The following MSI2 variants were observed in gnomAD, a reference collection of about 807,000 sequenced individuals.
The protein encoded by MSI2 is RNA-binding protein Musashi homolog 2.
MSI2 carries 17 observed loss-of-function variants against 45.6 expected under a neutral mutation model. The ratio of observed to expected loss-of-function variants is 0.37; its 90% CI spans 0.26 to 0.56. The LOEUF (loss-of-function observed/expected upper bound fraction) is 0.56. MSI2 is among the 20% of genes least tolerant of loss of function. MSI2 has a pLI of 0.77. For synonymous variants in MSI2, 156 were observed against 158.2 expected, an observed-to-expected ratio of 0.99 and a Z score of 0.11; for missense variants, 293 against 444.2, an observed-to-expected ratio of 0.66 and a Z score of 3.06.
intron 5 of MSI2, among the ~76,000 whole-genome samples, chr17:57,394,675 C>T (rs2083856975): frequency 1.3e-5 from 2 of 152,234 alleles, no homozygotes; most frequent in Admixed American, 1.3e-4. Flanking sequence ...TCCCATTCTT[C>T]ACCTCAAGAC....
intron 11 of MSI2, among the ~76,000 whole-genome samples, chr17:57,662,762 A>G (rs1912077544): frequency 6.6e-6 from 1 of 152,232 alleles, no homozygotes; most frequent in Non-Finnish European, 1.5e-5. Context: ...GAGTGGCCTC[A>G]GGAGGCGGTA....
chr17:57,365,958 G>C (rs1458236352), intron 5 of MSI2, among the ~76,000 whole-genome samples: 2 of 152,118 alleles, frequency 1.3e-5, no homozygotes, highest in African/African-American at 4.8e-5. Flanking sequence ...TGTCACCCAG[G>C]CTGGATGCAG....
chr17:57,357,625 A>G (rs2143878063), intron 5 of MSI2, among the ~76,000 whole-genome samples: 1 of 152,190 alleles, frequency 6.6e-6, no homozygotes, highest in African/African-American at 2.4e-5. Flanking sequence ...CTGCGCCACC[A>G]GCTCCCTATC....
intron 6 of MSI2, among the ~76,000 whole-genome samples, chr17:57,422,536 A>C (rs1376017911): frequency 6.6e-6 from 1 of 152,220 alleles, no homozygotes; most frequent in East Asian, 1.9e-4. Flanking sequence ...CAGGTGAGGA[A>C]AATGAGGGTC....
chr17:57,696,053 G>A, the MSI2 span, among the ~76,000 whole-genome samples: 7 of 152,126 alleles, frequency 4.6e-5, no homozygotes, highest in Non-Finnish European at 1.0e-4. Context: ...CCACACTGGG[G>A]GTTAGGGTTT....
intron 7 of MSI2, among the ~76,000 whole-genome samples, chr17:57,573,902 G>A (rs2087945469): frequency 6.6e-6 from 1 of 152,186 alleles, no homozygotes; most frequent in African/African-American, 2.4e-5. Context: ...CAGGCTAGAA[G>A]GATTAGATAT....
intron 10 of MSI2, chr17:57,628,260 G>A (rs1908996669): frequency 6.6e-6 from 1 of 152,190 alleles, no homozygotes; most frequent in Non-Finnish European, 1.5e-5. Flanking sequence ...GCCTAGACCT[G>A]GAGGTCTGGG....
intron 7 of MSI2, among the ~76,000 whole-genome samples, chr17:57,580,359 GA>G (rs1881779142): frequency 1.3e-5 from 2 of 152,202 alleles, no homozygotes; most frequent in Admixed American, 6.5e-5. Context: ...TTGTGTTTCT[GA>G]CCCTGGCTTT....
At chr17:57,541,061 C>A (rs2144124846) in intron 7 of MSI2, among the ~76,000 whole-genome samples, 1 of 152,130 alleles carries the variant, frequency 6.6e-6, no homozygotes, top group South Asian at 2.1e-4. Context: ...AGAACACAGC[C>A]CCCGAAGCCT....
At chr17:57,696,594 G>T in the MSI2 span, among the ~76,000 whole-genome samples, 2 of 152,166 alleles carry the variant, frequency 1.3e-5, no homozygotes, top group Admixed American at 1.3e-4. Flanking sequence ...AATTAATCAG[G>T]CATGCCAGCA....
chr17:57,508,623 A>G (rs961605185), intron 6 of MSI2, among the ~76,000 whole-genome samples: 1 of 152,158 alleles, frequency 6.6e-6, no homozygotes, highest in African/African-American at 2.4e-5. Context: ...GCCTCTTCCA[A>G]AGCCTATAGT....
chr17:57,352,623 T>C (rs572587785), intron 5 of MSI2, among the ~76,000 whole-genome samples: 4 of 152,334 alleles, frequency 2.6e-5, no homozygotes, highest in Admixed American at 1.3e-4. Flanking sequence ...TGAGGGACCC[T>C]GGAAGAAAGA....
chr17:57,610,915 G>T (rs143569004), intron 8 of MSI2, among the ~76,000 whole-genome samples: 1 of 94,778 alleles, frequency 1.1e-5, no homozygotes, highest in Admixed American at 1.1e-4. Flanking sequence ...CATCAATTTT[G>T]TTGGGGTGGG....
At chr17:57,646,708 T>C (rs923071030) in intron 10 of MSI2, among the ~76,000 whole-genome samples, 3 of 152,192 alleles carry the variant, frequency 2.0e-5, no homozygotes, top group African/African-American at 7.2e-5. Flanking sequence ...AGGAACTCCA[T>C]TCTAGCAAGA....
intron 6 of MSI2, among the ~76,000 whole-genome samples, chr17:57,502,636 T>TATATATATAGAGAGAG: frequency 2.5e-4 from 24 of 96,896 alleles, no homozygotes; most frequent in Non-Finnish European, 8.6e-5. Flanking sequence ...TATATATATA[T>TATATATATAGAGAGAG]AGTCATCATT....
chr17:57,283,119 G>C (rs894451016), intron 5 of MSI2, among the ~76,000 whole-genome samples: 3 of 152,118 alleles, frequency 2.0e-5, no homozygotes, highest in Non-Finnish European at 2.9e-5. Context: ...TGTTCTCTGT[G>C]TGGGGGCTTG....
chr17:57,580,682 C>T (rs1421444429), intron 7 of MSI2, among the ~76,000 whole-genome samples: 1 of 152,182 alleles, frequency 6.6e-6, no homozygotes, highest in East Asian at 1.9e-4. Flanking sequence ...ATTCCTGGGA[C>T]AGGCTGGGAA....
chr17:57,312,784 C>T (rs1012932856), intron 5 of MSI2, among the ~76,000 whole-genome samples: 3 of 152,106 alleles, frequency 2.0e-5, no homozygotes, highest in Non-Finnish European at 4.4e-5. Context: ...TTCCTTAGAA[C>T]ACAGATGTCC....
chr17:57,313,695 C>T (rs1056332720), intron 5 of MSI2, among the ~76,000 whole-genome samples: 22 of 152,180 alleles, frequency 1.4e-4, no homozygotes, highest in African/African-American at 4.6e-4. Context: ...AGGTGAGGTC[C>T]GCTTTCAGTT....
Sources: allele counts gnomAD v4.1 joint callset (sites outside exome capture counted in the v4.1 genomes callset), GRCh38; gene constraint gnomAD v4.1.1; transcripts MANE v1.5; gene names NCBI Gene and HGNC (gene_info 2026-07-23, HGNC 2026-07-21).